Variants in MCC observed in about 807,000 individuals in gnomAD.
The protein encoded by MCC is MCC regulator of Wnt signaling pathway.
Under a neutral mutation model 116.2 loss-of-function variants are expected in MCC, and 90 were observed. The ratio of observed to expected loss-of-function variants is 0.77; its 90% CI spans 0.65 to 0.92. The LOEUF is 0.92. MCC is among the 40% of genes least tolerant of loss of function. MCC has a pLI of 0.00. For synonymous variants in MCC, 578 were observed against 510.5 expected (o/e 1.13, Z -1.78); for missense variants, 1,516 against 1,312.2 (o/e 1.16, Z -2.40).
At chr5:113,360,480 T>C (rs1768519542) in intron 2 of MCC, among the ~76,000 whole-genome samples, 4 of 152,204 alleles carry the variant, frequency 2.6e-5, no homozygotes, top group Admixed American at 2.6e-4. Flanking sequence ...CCTTGTTATG[T>C]TTCCATCTTA....
At chr5:113,172,013 T>C (rs1371045491) in intron 3 of MCC, among the ~76,000 whole-genome samples, 3 of 152,198 alleles carry the variant, frequency 2.0e-5, no homozygotes, top group Non-Finnish European at 4.4e-5. Context: ...TCAGGTACTA[T>C]GGGAGCACTG....
At chr5:113,065,492 A>G (rs965890465) in intron 13 of MCC, among the ~76,000 whole-genome samples, 6 of 152,248 alleles carry the variant, frequency 3.9e-5, no homozygotes, top group African/African-American at 1.4e-4. Context: ...ACACCAAATC[A>G]TAGAAAATGC....
At chr5:113,271,084 G>C (rs1411506663) in intron 3 of MCC, among the ~76,000 whole-genome samples, 1 of 152,144 alleles carries the variant, frequency 6.6e-6, no homozygotes, top group Admixed American at 6.5e-5. Flanking sequence ...GGGACCCTTA[G>C]TGAGCAAGTA....
At chr5:113,413,749 GT>G (rs1027531635) in intron 1 of MCC, among the ~76,000 whole-genome samples, 2 of 152,004 alleles carry the variant, frequency 1.3e-5, no homozygotes, top group Non-Finnish European at 2.9e-5. Context: ...TTTTTGAAGG[GT>G]TTTTTTGTGT....
intron 8 of MCC, among the ~76,000 whole-genome samples, chr5:113,089,928 T>C (rs777174840): frequency 1.3e-5 from 2 of 152,190 alleles, no homozygotes; most frequent in Non-Finnish European, 2.9e-5. Flanking sequence ...GAGCTGACAA[T>C]GTCCGGAGCT....
chr5:113,202,266 C>T (rs981725908), intron 3 of MCC, among the ~76,000 whole-genome samples: 3 of 152,076 alleles, frequency 2.0e-5, no homozygotes, highest in Admixed American at 6.5e-5. Context: ...AAAGCAATCC[C>T]GGGGTTGTGC....
intron 8 of MCC, among the ~76,000 whole-genome samples, chr5:113,095,185 A>G (rs1241057683): frequency 6.6e-6 from 1 of 152,184 alleles, no homozygotes; most frequent in South Asian, 2.1e-4. Context: ...CATTTTACCC[A>G]CTGTTGGTCT....
intron 12 of MCC, 123 bp downstream of exon 12, chr5:113,070,971 A>G (rs1463550928): frequency 6.6e-6 from 7 of 1,060,414 alleles, no homozygotes; most frequent in Non-Finnish European, 9.4e-6. Flanking sequence ...AAACCGCCAG[A>G]TATGCCTTGG....
At chr5:113,181,803 A>G (rs1391363794) in intron 3 of MCC, among the ~76,000 whole-genome samples, 1 of 152,198 alleles carries the variant, frequency 6.6e-6, no homozygotes, top group Non-Finnish European at 1.5e-5. Context: ...AAGAAAGAAA[A>G]CAAGCTCTCA....
At chr5:113,413,276 C>T (rs573761613) in intron 1 of MCC, among the ~76,000 whole-genome samples, 2 of 152,210 alleles carry the variant, frequency 1.3e-5, no homozygotes, top group Non-Finnish European at 2.9e-5. Flanking sequence ...CAGAATGATG[C>T]TGTCCTCATA....
At chr5:113,289,017 G>C (rs1766375375) in intron 3 of MCC, among the ~76,000 whole-genome samples, 1 of 152,094 alleles carries the variant, frequency 6.6e-6, no homozygotes, top group African/African-American at 2.4e-5. Flanking sequence ...AAAAACCATT[G>C]CCAGGCATTG....
chr5:113,229,157 C>T (rs1763851315), intron 3 of MCC, among the ~76,000 whole-genome samples: 1 of 152,020 alleles, frequency 6.6e-6, no homozygotes, highest in African/African-American at 2.4e-5. Flanking sequence ...TTTAGGACAT[C>T]CCAACATGGC....
intron 1 of MCC, chr5:113,448,089 AT>A (rs1771273750): frequency 1.3e-5 from 2 of 152,274 alleles, no homozygotes. Flanking sequence ...ATCGCTATAA[AT>A]AAAAAACACA....
At chr5:113,456,623 A>ATTTTTTTTTTTTTT (rs34111159) in intron 1 of MCC, among the ~76,000 whole-genome samples, 592 of 51,078 alleles carry the variant, frequency 0.012, 53 homozygotes, top group Middle Eastern at 0.022. Context: ...TGCCCAGCTA[A>ATTTTTTTTTTTTTT]TTTTTTTTTT....
intron 3 of MCC, among the ~76,000 whole-genome samples, chr5:113,274,352 A>C (rs1765733291): frequency 6.6e-6 from 1 of 151,974 alleles, no homozygotes; most frequent in Admixed American, 6.6e-5. Context: ...ATTTTGACTA[A>C]AGATACTTTT....
intron 14 of MCC, among the ~76,000 whole-genome samples, chr5:113,059,460 T>G (rs1187776058): frequency 6.6e-6 from 1 of 152,238 alleles, no homozygotes; most frequent in African/African-American, 2.4e-5. Flanking sequence ...TGCTGGCTGC[T>G]GGGCAAGGGT....
intron 3 of MCC, among the ~76,000 whole-genome samples, chr5:113,189,331 G>A (rs1339336255): frequency 2.6e-5 from 4 of 152,220 alleles, no homozygotes; most frequent in Non-Finnish European, 5.9e-5. Flanking sequence ...TCATAGGTCA[G>A]AAGAAAGCAC....
At chr5:113,099,819 T>A (rs1387570831) in intron 8 of MCC, among the ~76,000 whole-genome samples, 2 of 152,198 alleles carry the variant, frequency 1.3e-5, no homozygotes, top group Non-Finnish European at 2.9e-5. Context: ...GGCTGGCAAG[T>A]GAGAGAAGAA....
chr5:113,036,012 CTTTTTTTTTTTTTTTTTTTTTTTTT>C (rs771378295), intron 17 of MCC, among the ~76,000 whole-genome samples: 24 of 62,942 alleles, frequency 3.8e-4, no homozygotes, highest in South Asian at 8.9e-4. Flanking sequence ...GGATGAGGAA[CTTTTTTTTTTTTTTTTTTTTTTTTT>C]TTTTTTTTTT....
Sources: gnomAD v4.1 joint callset for allele counts (sites outside exome capture counted in the v4.1 genomes callset) on GRCh38, gnomAD v4.1.1 for gene constraint, MANE v1.5 for transcripts, NCBI Gene and HGNC (gene_info 2026-07-23, HGNC 2026-07-21) for gene names.